DIPK1A: variants seen among roughly 807,000 people sequenced by gnomAD.
DIPK1A encodes the protein divergent protein kinase domain 1A, also known as family with sequence similarity 69 member A.
A neutral mutation model predicts 40.8 loss-of-function variants in DIPK1A; 27 were observed. That is an observed-to-expected ratio of 0.66 (90% confidence interval 0.49 to 0.91). DIPK1A has a LOEUF of 0.91. Ranked by LOEUF, DIPK1A falls within the 40% of genes least tolerant of loss-of-function variation. The pLI, the probability that DIPK1A is intolerant of heterozygous loss-of-function variation, is 0.00. For missense variants in DIPK1A, 412 were observed against 505.7 expected, an observed-to-expected ratio of 0.81 and a Z score of 1.78; for synonymous variants, 166 against 171.3, an observed-to-expected ratio of 0.97 and a Z score of 0.24.
intron 1 of DIPK1A, among the ~76,000 whole-genome samples, chr1:92,890,763 A>C (rs989358638): frequency 6.6e-6 from 1 of 152,110 alleles, no homozygotes; most frequent in African/African-American, 2.4e-5. Context: ...CAGGTATATT[A>C]GCCTATAGTT....
intron 3 of DIPK1A, among the ~76,000 whole-genome samples, chr1:92,850,336 A>C (rs2774941): frequency 0.93 from 141,235 of 152,184 alleles, 65,623 homozygotes; most frequent in East Asian, 0.97. Context: ...GACAGAAAAA[A>C]AAAAACAAAA....
intron 1 of DIPK1A, among the ~76,000 whole-genome samples, chr1:92,928,313 G>A (rs144034439): frequency 4.7e-4 from 71 of 152,268 alleles, no homozygotes; most frequent in Non-Finnish European, 8.4e-4. Flanking sequence ...CAGATATCTT[G>A]TAACAGCATT....
At chr1:92,895,480 A>C (rs1471021639) in intron 1 of DIPK1A, among the ~76,000 whole-genome samples, 1 of 152,098 alleles carries the variant, frequency 6.6e-6, no homozygotes, top group East Asian at 1.9e-4. Flanking sequence ...ACTCTCAATA[A>C]ATTAGGTATT....
chr1:92,861,194 C>T (rs1354403846), intron 2 of DIPK1A, among the ~76,000 whole-genome samples: 1 of 151,986 alleles, frequency 6.6e-6, no homozygotes. Context: ...GTGGGTTTTT[C>T]ATAAATGTCT....
chr1:92,861,648 A>C (rs1212776719), intron 2 of DIPK1A, among the ~76,000 whole-genome samples: 1 of 152,002 alleles, frequency 6.6e-6, no homozygotes, highest in Non-Finnish European at 1.5e-5. Context: ...CAGTTTTAAC[A>C]ATGATCTCTG....
At chr1:92,840,562 G>C, downstream of DIPK1A, 2 of 1,612,732 alleles carry the variant, frequency 1.2e-6, no homozygotes, top group South Asian at 1.1e-5. Context: ...TGGAGGAGAT[G>C]TATAAGAAAG....
At chr1:92,892,570 T>C (rs1023120732) in intron 1 of DIPK1A, among the ~76,000 whole-genome samples, 1 of 151,962 alleles carries the variant, frequency 6.6e-6, no homozygotes, top group African/African-American at 2.4e-5. Context: ...GCAGAAAAAC[T>C]GAAAATTCTA....
chr1:92,949,997 T>C (rs1651562843), intron 1 of DIPK1A, among the ~76,000 whole-genome samples: 1 of 152,142 alleles, frequency 6.6e-6, no homozygotes, highest in Non-Finnish European at 1.5e-5. Flanking sequence ...GGAAGAAGGA[T>C]ATGGAAACCA....
chr1:92,895,689 G>C (rs954459754), intron 1 of DIPK1A, among the ~76,000 whole-genome samples: 12 of 151,968 alleles, frequency 7.9e-5, no homozygotes, highest in Admixed American at 5.3e-4. Flanking sequence ...AAGGGTATTC[G>C]ATTAGGAAAT....
rs1244362693 is a variant in DIPK1A, at chr1:92,909,505, C to A, written c.55-33075G>T. On this transcript the variant is annotated intron_variant, in intron 1 of 4. Transcript: ENST00000370310. ...GTTTCTTTGGAGAGATGTACTTGTT[C>A]TCCTGTGATCACTCTGGAAAGGAAG... Among the ~76,000 whole-genome samples, 3 of 152,152 alleles carry A rather than the reference C, an allele frequency of 2.0e-5. No individual in the cohort carries two copies. The South Asian group carries it at 6.2e-4, about 32-fold the overall frequency.
intron 1 of DIPK1A, among the ~76,000 whole-genome samples, chr1:92,881,326 CAAA>C (rs3042466): frequency 0.6 from 67,682 of 112,354 alleles, 19,015 homozygotes; most frequent in East Asian, 0.88. Context: ...GACTCTGTCT[CAAA>C]AAAAAAAAAA....
At chr1:92,871,155 T>A (rs570887364) in intron 2 of DIPK1A, among the ~76,000 whole-genome samples, 4 of 152,198 alleles carry the variant, frequency 2.6e-5, no homozygotes, top group African/African-American at 9.6e-5. Context: ...GACTATTCTT[T>A]TATTCTTTTA....
rs953148515 is a variant in DIPK1A at position 92,923,358 on chromosome 1, C to A, written c.54+38018G>T. ...TTCACCATATTGGCCAGGCTGGTCT[C>A]GAACTCCTGACCTTGTTACTGCCTG... is the stretch of plus-strand genomic sequence containing the variant. On this transcript the variant is annotated intron_variant, in intron 1 of 4. Transcript: ENST00000370310. Among the ~76,000 whole-genome samples the A allele has an allele frequency of 2.0e-5, 3 of 152,174 alleles. No individual in the cohort carries two copies. In the East Asian group the frequency reaches 5.8e-4, roughly 29 times the overall value.
At chr1:92,953,685 A>C (rs1481908423) in intron 1 of DIPK1A, among the ~76,000 whole-genome samples, 2 of 152,244 alleles carry the variant, frequency 1.3e-5, no homozygotes, top group Non-Finnish European at 2.9e-5. Context: ...TGAAGTATAA[A>C]GCAGTCTAAT....
intron 1 of DIPK1A, among the ~76,000 whole-genome samples, chr1:92,898,773 CTTA>C (rs1372191235): frequency 6.6e-6 from 1 of 151,898 alleles, no homozygotes; most frequent in Non-Finnish European, 1.5e-5. Flanking sequence ...ATGAGTCTGT[CTTA>C]TTTAGAGATA....
chr1:92,851,147 G>C (rs1183482808), intron 2 of DIPK1A, among the ~76,000 whole-genome samples, 192 bp from the exon 3 acceptor site: 1 of 152,096 alleles, frequency 6.6e-6, no homozygotes, highest in Non-Finnish European at 1.5e-5. Flanking sequence ...GTTGCTGCTG[G>C]GGTGTGCGTA....
At chr1:92,888,752 T>G (rs1648722380) in intron 1 of DIPK1A, among the ~76,000 whole-genome samples, 1 of 152,230 alleles carries the variant, frequency 6.6e-6, no homozygotes, top group Non-Finnish European at 1.5e-5. Flanking sequence ...TCATTGTGGA[T>G]TTTATTTGCA....
chr1:92,859,596 G>T (rs547353710), intron 2 of DIPK1A, among the ~76,000 whole-genome samples: 2 of 152,322 alleles, frequency 1.3e-5, no homozygotes, highest in Admixed American at 1.3e-4. Context: ...GGAAGCCAAT[G>T]CTCGAGGCAG....
chr1:92,851,555 A>AAAAAAAAAC (rs1687824238), intron 2 of DIPK1A, among the ~76,000 whole-genome samples: 1 of 94,968 alleles, frequency 1.1e-5, no homozygotes, highest in Admixed American at 1.2e-4. Context: ...AAAAAAAAAA[A>AAAAAAAAAC]AAAAAAACTT....
Sources: gnomAD v4.1 joint callset for allele counts (sites outside exome capture counted in the v4.1 genomes callset) on GRCh38, gnomAD v4.1.1 for gene constraint, MANE v1.5 for transcripts, NCBI Gene and HGNC (gene_info 2026-07-23, HGNC 2026-07-21) for gene names.